SGCD: variants seen among roughly 807,000 people sequenced by gnomAD.
The protein encoded by SGCD is sarcoglycan delta, also known as delta-sarcoglycan.
SGCD carries 18 observed loss-of-function variants against 36.6 expected under a neutral mutation model. The observed-to-expected ratio is 0.49, with a 90% CI of 0.34 to 0.73. The LOEUF is 0.73. Among genes scored for constraint, SGCD ranks in the 30% least tolerant of loss-of-function variants. SGCD has a pLI of 0.01. For synonymous variants in SGCD, 133 were observed against 130.6 expected, an observed-to-expected ratio of 1.02 and a Z score of -0.12; for missense variants, 387 against 346.7, an observed-to-expected ratio of 1.12 and a Z score of -0.92.
At chr5:155,948,456 A>G (rs901622155) in intron 1 of SGCD, among the ~76,000 whole-genome samples, 19 of 152,242 alleles carry the variant, frequency 1.2e-4, no homozygotes, top group African/African-American at 4.6e-4. Context: ...TATGGATTCA[A>G]ATTTCTTGCT....
chr5:156,034,818 A>C (rs1353057238), intron 1 of SGCD, among the ~76,000 whole-genome samples: 1 of 152,230 alleles, frequency 6.6e-6, no homozygotes, highest in African/African-American at 2.4e-5. Context: ...ACAGTGCCTC[A>C]TGCATAGTAA....
intron 3 of SGCD, among the ~76,000 whole-genome samples, chr5:156,477,587 G>A (rs993910238): frequency 6.6e-6 from 1 of 151,576 alleles, no homozygotes; most frequent in Admixed American, 6.6e-5. Flanking sequence ...TCTGTCTCAT[G>A]AGGGACTTTG....
chr5:155,906,184 G>C (rs1469798236), intron 1 of SGCD, among the ~76,000 whole-genome samples: 1 of 152,030 alleles, frequency 6.6e-6, no homozygotes, highest in Non-Finnish European at 1.5e-5. Context: ...TCATGCCTGT[G>C]TAATATAGAG....
chr5:156,725,886 ATTATCT>A (rs1398753719), intron 7 of SGCD, among the ~76,000 whole-genome samples: 1 of 152,160 alleles, frequency 6.6e-6, no homozygotes, highest in African/African-American at 2.4e-5. Flanking sequence ...ACAACTCTTA[ATTATCT>A]TTATGGTTAT....
chr5:156,288,299 T>C (rs1393794373), intron 3 of SGCD, among the ~76,000 whole-genome samples: 3 of 152,152 alleles, frequency 2.0e-5, no homozygotes, highest in African/African-American at 7.2e-5. Context: ...ATATCTAACA[T>C]AGTGGAACTA....
intron 4 of SGCD, among the ~76,000 whole-genome samples, chr5:156,547,666 T>C (rs1311604941): frequency 6.6e-6 from 1 of 151,990 alleles, no homozygotes; most frequent in African/African-American, 2.4e-5. Context: ...ATGGTCTCAA[T>C]CTCCTGACCT....
At chr5:156,572,958 G>C (rs1581188452) in intron 4 of SGCD, among the ~76,000 whole-genome samples, 1 of 152,204 alleles carries the variant, frequency 6.6e-6, no homozygotes, top group East Asian at 1.9e-4. Context: ...GACCAGCCAA[G>C]AAAGAAATTT....
chr5:156,359,642 C>G (rs1484630620), intron 3 of SGCD, among the ~76,000 whole-genome samples: 1 of 152,118 alleles, frequency 6.6e-6, no homozygotes, highest in African/African-American at 2.4e-5. Flanking sequence ...TCCTCAGAGC[C>G]TTAGTCTCTG....
intron 3 of SGCD, among the ~76,000 whole-genome samples, chr5:156,370,624 A>G (rs1483524673): frequency 6.6e-6 from 1 of 152,196 alleles, no homozygotes; most frequent in Non-Finnish European, 1.5e-5. Flanking sequence ...TTTCTAGTAA[A>G]CGTTGACATA....
At chr5:156,234,738 C>A (rs1392720493) in intron 3 of SGCD, among the ~76,000 whole-genome samples, 1 of 152,170 alleles carries the variant, frequency 6.6e-6, no homozygotes, top group Non-Finnish European at 1.5e-5. Flanking sequence ...TTATAATTTT[C>A]TGCTGGGTTT....
chr5:155,922,969 G>T (rs1254170293), intron 1 of SGCD, among the ~76,000 whole-genome samples: 1 of 152,184 alleles, frequency 6.6e-6, no homozygotes, highest in African/African-American at 2.4e-5. Flanking sequence ...ATTTCTTGAT[G>T]AGTCCTATTA....
intron 7 of SGCD, among the ~76,000 whole-genome samples, chr5:156,655,369 G>T (rs570376177): frequency 5.8e-4 from 89 of 152,194 alleles, no homozygotes; most frequent in African/African-American, 2.1e-3. Flanking sequence ...CAGATTTAAG[G>T]CCTCTGGCAT....
chr5:156,444,095 T>C (rs1294255652), intron 3 of SGCD, among the ~76,000 whole-genome samples: 20 of 118,702 alleles, frequency 1.7e-4, no homozygotes, highest in African/African-American at 6.8e-4. Flanking sequence ...TCTCTCTCTC[T>C]CTCTCTCTCT....
intron 3 of SGCD, among the ~76,000 whole-genome samples, chr5:156,169,205 G>A (rs1414674845): frequency 6.6e-6 from 1 of 152,214 alleles, no homozygotes; most frequent in Non-Finnish European, 1.5e-5. Flanking sequence ...AAGGAGGTTT[G>A]TTTATAGGAA....
At chr5:155,777,860 G>A in the SGCD span, among the ~76,000 whole-genome samples, 1 of 152,066 alleles carries the variant, frequency 6.6e-6, no homozygotes, top group Non-Finnish European at 1.5e-5. Context: ...TGTATTTACA[G>A]GCCTTGCAGG....
At chr5:155,939,443 C>T (rs1284058928) in intron 1 of SGCD, among the ~76,000 whole-genome samples, 2 of 151,908 alleles carry the variant, frequency 1.3e-5, no homozygotes, top group Admixed American at 6.6e-5. Context: ...GAGTTCGAGA[C>T]AAGCCTGACC....
At chr5:156,183,612 T>G (rs1195708850) in intron 3 of SGCD, among the ~76,000 whole-genome samples, 1 of 152,152 alleles carries the variant, frequency 6.6e-6, no homozygotes, top group Non-Finnish European at 1.5e-5. Flanking sequence ...TTCACTGTAT[T>G]GGCCAGGGTG....
At chr5:156,247,498 T>C (rs1218682398) in intron 3 of SGCD, among the ~76,000 whole-genome samples, 1 of 152,196 alleles carries the variant, frequency 6.6e-6, no homozygotes, top group Non-Finnish European at 1.5e-5. Flanking sequence ...ATTGCCATCA[T>C]CTGAGAAAGA....
chr5:156,468,441 A>C lies in SGCD; in HGVS notation c.193-40160A>C, dbSNP rs149928083. On this transcript the variant is annotated intron_variant, in intron 3 of 8. Coordinates refer to ENST00000337851, the MANE Select transcript of SGCD (RefSeq NM_000337.6). ...AGTCCTTATATCATTGATTGACATAAAAGAGGTACTCAGTAAATCATTATA... is the reference window on the plus strand; with the variant it reads ...AGTCCTTATATCATTGATTGACATACAAGAGGTACTCAGTAAATCATTATA... Among the ~76,000 whole-genome samples, 948 of 152,258 alleles carry C rather than the reference A, an allele frequency of 6.2e-3. 9 individuals carry two copies. Among genetic ancestry groups the C allele is most frequent in the African/African-American group, 0.02 (846 of 41,554 alleles).
Sources: gnomAD v4.1 joint callset for allele counts (sites outside exome capture counted in the v4.1 genomes callset) on GRCh38, gnomAD v4.1.1 for gene constraint, MANE v1.5 for transcripts, NCBI Gene and HGNC (gene_info 2026-07-23, HGNC 2026-07-21) for gene names.